HMGXB4: variants seen among roughly 807,000 people sequenced by gnomAD.
The protein encoded by HMGXB4 is HMG domain-containing protein 4.
HMGXB4 carries 27 observed loss-of-function variants against 63.9 expected under a neutral mutation model. That is an observed-to-expected ratio of 0.42 (90% confidence interval 0.31 to 0.58). The LOEUF is 0.58. Ranked by LOEUF, HMGXB4 falls within the 20% of genes least tolerant of loss-of-function variation. The pLI, the probability that HMGXB4 is intolerant of heterozygous loss-of-function variation, is 0.13. For synonymous variants in HMGXB4, 264 were observed against 265.3 expected (o/e 0.99, Z 0.05); for missense variants, 624 against 700.7 (o/e 0.89, Z 1.24).
intron 1 of HMGXB4, among the ~76,000 whole-genome samples, chr22:35,261,500 A>G (rs1333187319): frequency 1.3e-5 from 2 of 152,200 alleles, no homozygotes; most frequent in Admixed American, 1.3e-4. Context: ...CTTCAAAGTC[A>G]AAATGGACAT....
chr22:35,244,072 T>C, the HMGXB4 span, among the ~76,000 whole-genome samples: 3 of 152,212 alleles, frequency 2.0e-5, no homozygotes, highest in African/African-American at 7.2e-5. Flanking sequence ...TTTGTTCACC[T>C]TCTTGAATAT....
At chr22:35,264,121 T>G (rs1225651946) in intron 4 of HMGXB4, 1 of 1,395,680 alleles carries the variant, frequency 7.2e-7, no homozygotes, top group Non-Finnish European at 9.8e-7. Context: ...CTCCCCCCAA[T>G]CATCCACTTA....
chr22:35,244,930 GTACAGTTTCTT>G, the HMGXB4 span, among the ~76,000 whole-genome samples: 1 of 152,168 alleles, frequency 6.6e-6, no homozygotes, highest in Non-Finnish European at 1.5e-5. Flanking sequence ...TTATGTTCAA[GTACAGTTTCTT>G]TACAGCACTG....
At chr22:35,276,409 G>A (rs1362477466) in intron 5 of HMGXB4, among the ~76,000 whole-genome samples, 3 of 152,098 alleles carry the variant, frequency 2.0e-5, no homozygotes, top group African/African-American at 7.2e-5. Context: ...CTTGTGTAAC[G>A]AGTTGCCCAC....
intron 6 of HMGXB4, 79 bp downstream of exon 6, chr22:35,284,122 A>G: frequency 1.0e-6 from 1 of 961,678 alleles, no homozygotes; most frequent in East Asian, 2.4e-5. Flanking sequence ...TTCTTCCTGT[A>G]GCATTAGAGC....
At chr22:35,288,007 G>A (rs1409132949) in intron 8 of HMGXB4, among the ~76,000 whole-genome samples, 5 of 151,644 alleles carry the variant, frequency 3.3e-5, no homozygotes, top group South Asian at 2.1e-4. Context: ...ATGCATTCTC[G>A]CATTCTCTGT....
rs1291750271 is a variant in HMGXB4, at chr22:35,295,006, C to G, written c.*1355C>G. On this transcript the variant is annotated 3_prime_UTR_variant, in exon 11 of 11. Coordinates refer to ENST00000216106, the MANE Select transcript of HMGXB4 (RefSeq NM_001003681.3). Reference sequence around the variant, plus strand: ...AGAGGAATGTTACCATCCCCAGCTGCCCTTATTTCCAGAGAACCAGACGTT... The same window carrying G: ...AGAGGAATGTTACCATCCCCAGCTGGCCTTATTTCCAGAGAACCAGACGTT... 2.0e-5 allele frequency: 3 copies of G among 152,218 alleles called. No homozygotes were observed. The allele number at this position is 152,218 out of a possible 1,614,324, so 9.4% of individuals were successfully genotyped here.
intron 5 of HMGXB4, among the ~76,000 whole-genome samples, chr22:35,283,696 A>G (rs967334133): frequency 2.6e-5 from 4 of 152,218 alleles, no homozygotes; most frequent in Non-Finnish European, 4.4e-5. Context: ...AGGCTGAGGC[A>G]GGAGAATCGC....
chr22:35,244,465 T>C, the HMGXB4 span, among the ~76,000 whole-genome samples: 3 of 152,144 alleles, frequency 2.0e-5, no homozygotes, highest in Admixed American at 2.0e-4. Flanking sequence ...AAAAACAAAA[T>C]TTATTCAAAG....
Position 35,264,668 on chromosome 22 carries a change from T to C in HMGXB4, c.280T>C (p.Ser94Pro). ...YYGDISSLES[S>P]QKKKKKSSPQ... ...TCTAGATATTTCGTCTTTGGAATCG[T>C]CACAGAAGAAAAAGAAAAAGTCCAG... is the stretch of plus-strand genomic sequence containing the variant. Residue 94 changes from serine to proline, a missense_variant, in exon 5 of 11, where the codon TCA (serine) becomes CCA (proline). By Grantham distance (74) the Ser-to-Pro change is moderately conservative. Coordinates refer to ENST00000216106, the MANE Select transcript of HMGXB4 (RefSeq NM_001003681.3). The C allele has an allele frequency of 6.3e-7, 1 of 1,576,234 alleles. No homozygotes were observed. Among genetic ancestry groups the C allele is most frequent in the Non-Finnish European group, 8.6e-7 (1 of 1,164,886 alleles).
chr22:35,265,377 A>G lies in HMGXB4; in HGVS notation c.989A>G (p.Asp330Gly). ...KKSKKSKKKK[D>G]KEKHKEKRHS... ...TCAAAGAAGAGCAAAAAGAAGAAAG[A>G]CAAGGAGAAGCATAAAGAGAAGCGA... The change falls in exon 5 of 11, where the codon GAC (aspartate) becomes GGC (glycine). Residue 330 changes from aspartate to glycine, a missense_variant. By Grantham distance (94) the Asp-to-Gly change is moderately conservative. Coordinates refer to ENST00000216106, the MANE Select transcript of HMGXB4 (RefSeq NM_001003681.3). The G allele has an allele frequency of 6.2e-7, 1 of 1,614,138 alleles. No individual in the cohort carries two copies. Among genetic ancestry groups the G allele is most frequent in the Non-Finnish European group, 8.5e-7 (1 of 1,180,038 alleles).
rs993170354 is a variant in HMGXB4 at position 35,294,670 on chromosome 22, A to G, written c.*1019A>G. 9.2e-5 allele frequency: 14 copies of G among 152,528 alleles called. No individual in the cohort carries two copies. The highest frequency in any genetic ancestry group is 3.3e-4 in the Admixed American group (5 of 15,278). The allele number at this position is 152,528 out of a possible 1,614,324, so 9.4% of individuals were successfully genotyped here. On this transcript the variant is annotated 3_prime_UTR_variant, in exon 11 of 11. Transcript: ENST00000216106. ...ATGTGTATTTTAATTATGTGTATTT[A>G]ACTCTTTAAAATCTCTTAGATTTTA...
chr22:35,263,666 G>C (rs1923010870), intron 3 of HMGXB4, 130 bp from the exon 4 acceptor site: 2 of 673,434 alleles, frequency 3.0e-6, no homozygotes, highest in Non-Finnish European at 5.3e-6. Flanking sequence ...AAAATAAAAC[G>C]TTATGCACAT....
At chr22:35,292,481 T>C (rs532103378) in intron 9 of HMGXB4, among the ~76,000 whole-genome samples, 4 of 152,332 alleles carry the variant, frequency 2.6e-5, no homozygotes, top group African/African-American at 9.6e-5. Context: ...AAATAGACAA[T>C]ATGAATTACA....
upstream of HMGXB4, among the ~76,000 whole-genome samples, chr22:35,252,956 A>G (rs1304861030): frequency 6.6e-6 from 1 of 151,896 alleles, no homozygotes; most frequent in Non-Finnish European, 1.5e-5. Flanking sequence ...AACATGTGAA[A>G]CCCCATCTCT....
chr22:35,241,998 G>A, the HMGXB4 span, among the ~76,000 whole-genome samples: 4 of 152,332 alleles, frequency 2.6e-5, no homozygotes, highest in South Asian at 8.3e-4. Context: ...ATATTCACAA[G>A]GGATATTAAT....
At chr22:35,283,609 G>A (rs1924390904) in intron 5 of HMGXB4, among the ~76,000 whole-genome samples, 1 of 152,222 alleles carries the variant, frequency 6.6e-6, no homozygotes, top group South Asian at 2.1e-4. Flanking sequence ...GGCCAACATG[G>A]TGAAACCCCA....
intron 3 of HMGXB4, 122 bp from the exon 4 acceptor site, chr22:35,263,674 C>T (rs1212265345): frequency 2.9e-6 from 2 of 699,054 alleles, no homozygotes; most frequent in African/African-American, 1.8e-5. Flanking sequence ...ACGTTATGCA[C>T]ATCTATTTTT....
chr22:35,243,852 T>C, the HMGXB4 span, among the ~76,000 whole-genome samples: 1 of 152,240 alleles, frequency 6.6e-6, no homozygotes, highest in Non-Finnish European at 1.5e-5. Context: ...CCAACAGTTC[T>C]TTCCTTAATG....
Sources: gnomAD v4.1 joint callset for allele counts (sites outside exome capture counted in the v4.1 genomes callset) on GRCh38, gnomAD v4.1.1 for gene constraint, MANE v1.5 for transcripts, NCBI Gene and HGNC (gene_info 2026-07-23, HGNC 2026-07-21) for gene names.